Variants in AGAP1 observed in about 807,000 individuals in gnomAD.
AGAP1 encodes arf-GAP with GTPase, ANK repeat and PH domain-containing protein 1.
In AGAP1, 29 loss-of-function variants were observed where a neutral mutation model predicts 105.3. The observed-to-expected ratio is 0.28, with a 90% CI of 0.21 to 0.38. The LOEUF is 0.38. AGAP1 is among the 10% of genes least tolerant of loss of function. AGAP1 has a pLI of 1.00. For missense variants in AGAP1, 998 were observed against 1,165.1 expected (o/e 0.86, Z 2.09); for synonymous variants, 509 against 485.9 (o/e 1.05, Z -0.63).
chr2:235,677,479 T>C (rs1948803474), intron 1 of AGAP1, among the ~76,000 whole-genome samples: 1 of 152,154 alleles, frequency 6.6e-6, no homozygotes, highest in South Asian at 2.1e-4. Flanking sequence ...TCCTATACTG[T>C]CCTTTGTTTG....
chr2:235,579,442 A>AT, intron 1 of AGAP1, among the ~76,000 whole-genome samples: 1 of 152,274 alleles, frequency 6.6e-6, no homozygotes, highest in East Asian at 1.9e-4. Flanking sequence ...GTTAAAAAAT[A>AT]TTGAGGCAAA....
intron 1 of AGAP1, 130 bp downstream of exon 1, chr2:235,494,979 C>G: frequency 3.6e-6 from 3 of 841,294 alleles, no homozygotes; most frequent in Non-Finnish European, 4.9e-6. Flanking sequence ...CGAGGGAGCA[C>G]TGCGGCGCTG....
chr2:235,680,811 G>T (rs1043459711), intron 1 of AGAP1, among the ~76,000 whole-genome samples: 4 of 152,068 alleles, frequency 2.6e-5, no homozygotes, highest in African/African-American at 9.7e-5. Flanking sequence ...GTGGCTGCGG[G>T]CTCCCAGAGG....
chr2:235,903,711 C>G (rs2051167506), intron 10 of AGAP1, among the ~76,000 whole-genome samples: 1 of 152,146 alleles, frequency 6.6e-6, no homozygotes, highest in Non-Finnish European at 1.5e-5. Flanking sequence ...ATGTACACAC[C>G]TTTCCCTTTG....
intron 16 of AGAP1, among the ~76,000 whole-genome samples, chr2:236,116,367 TGAGAGAGAG>T (rs1553578893): frequency 2.3e-4 from 34 of 150,418 alleles, no homozygotes; most frequent in South Asian, 4.2e-4. Flanking sequence ...CTTTTTTTTT[TGAGAGAGAG>T]TTTTGCTCTG....
rs2054867249 is a variant in AGAP1, at chr2:235,976,549, A to C, written c.1645+7926A>C. ...TGGTTTTTGTTTGTTTGTTTGTTTT[A>C]ATTTTTTTAACCACACACAAACTTA... is the stretch of plus-strand genomic sequence containing the variant. On this transcript the variant is annotated intron_variant, in intron 13 of 17. Coordinates refer to ENST00000304032, the MANE Select transcript of AGAP1 (RefSeq NM_001037131.3). This position sits in a 1 kb window ranked among gnomAD's most constrained non-coding sequence, Gnocchi z 4.5. Among the ~76,000 whole-genome samples the C allele has an allele frequency of 6.6e-6, 1 of 152,254 alleles. No individual in the cohort carries two copies. Among genetic ancestry groups the C allele is most frequent in the South Asian group, 2.1e-4 (1 of 4,814 alleles).
chr2:235,897,055 TTTTTTTGTTTG>T (rs1240043060), intron 10 of AGAP1, among the ~76,000 whole-genome samples: 2 of 152,190 alleles, frequency 1.3e-5, no homozygotes, highest in African/African-American at 4.8e-5. Flanking sequence ...CTCTTATTTC[TTTTTTTGTTTG>T]TTTTTTGTTT....
At position 235,590,751 on chromosome 2, in the gene AGAP1, T is replaced by G. The variant is rs11900603; in HGVS notation, c.163+95902T>G. Among the ~76,000 whole-genome samples, 3 of 114,874 alleles carry G rather than the reference T, an allele frequency of 2.6e-5. No individual in the cohort carries two copies. In the East Asian group the frequency reaches 7.5e-4, roughly 29 times the overall value. 75.4% of individuals were successfully genotyped at this position (114,874 alleles called of 152,430 possible). On this transcript the variant is annotated intron_variant, in intron 1 of 17. Coordinates refer to ENST00000304032, the MANE Select transcript of AGAP1 (RefSeq NM_001037131.3). Reference sequence around the variant, plus strand: ...TTTTTTTTTTTTTGAGGCGGAGTCTTGCTCTGTCGCCCAGGCTGGAGTGCA... The same window carrying G: ...TTTTTTTTTTTTTGAGGCGGAGTCTGGCTCTGTCGCCCAGGCTGGAGTGCA...
At chr2:235,597,707 C>T (rs150389259) in intron 1 of AGAP1, among the ~76,000 whole-genome samples, 75 of 151,704 alleles carry the variant, frequency 4.9e-4, no homozygotes, top group African/African-American at 1.6e-3. Context: ...GGAGCGTGCA[C>T]GCGCTCCCGT....
rs1215208213 is a variant in AGAP1, at chr2:235,864,107, A to T, written c.1051-19238A>T. 6.6e-6 allele frequency among the ~76,000 whole-genome samples: 1 copy of T among 152,172 alleles called. No individual in the cohort carries two copies. The highest frequency in any genetic ancestry group is 2.4e-5 in the African/African-American group (1 of 41,438). The stretch of plus-strand genomic sequence containing the variant: ...TGCGCAAGCGGGCCGTTCCCACGTG[A>T]TTTAATAAACAGTTGCTGTAGCATG... On this transcript the variant is annotated intron_variant, in intron 9 of 17. Transcript: ENST00000304032. This position sits in a 1 kb window ranked among gnomAD's most constrained non-coding sequence, Gnocchi z 5.0.
At position 236,027,670 on chromosome 2, in the gene AGAP1, G is replaced by A. The variant is rs560282296; in HGVS notation, c.1646-8891G>A. ...CCTCTTGATTTGGGAGCTGATGCTG[G>A]ACCCCGCATTGACGAGACAGAGGGG... On this transcript the variant is annotated intron_variant, in intron 13 of 17. Coordinates refer to ENST00000304032, the MANE Select transcript of AGAP1 (RefSeq NM_001037131.3). This position sits in a 1 kb window ranked among gnomAD's most constrained non-coding sequence, Gnocchi z 4.4. Among the ~76,000 whole-genome samples, 1 of 150,666 alleles carries A rather than the reference G, an allele frequency of 6.6e-6. No individual in the cohort carries two copies. Among genetic ancestry groups the A allele is most frequent in the Non-Finnish European group, 1.5e-5 (1 of 68,016 alleles).
intron 1 of AGAP1, among the ~76,000 whole-genome samples, chr2:235,604,500 G>A (rs547853030): frequency 2.2e-4 from 29 of 133,228 alleles, no homozygotes; most frequent in Non-Finnish European, 3.9e-4. Flanking sequence ...AAAAAAAAAA[G>A]TGCTTGTTAC....
At chr2:235,898,051 C>A (rs1029989832) in intron 10 of AGAP1, among the ~76,000 whole-genome samples, 35 of 152,212 alleles carry the variant, frequency 2.3e-4, no homozygotes, top group African/African-American at 8.2e-4. Context: ...ACCTCTGCCG[C>A]ATCGGCTATT....
rs1949647318 is a variant in AGAP1, at chr2:235,689,690, T to C, written c.164-19489T>C. 6.6e-6 allele frequency among the ~76,000 whole-genome samples: 1 copy of C among 152,204 alleles called. No individual in the cohort carries two copies. Among genetic ancestry groups the C allele is most frequent in the African/African-American group, 2.4e-5 (1 of 41,458 alleles). On this transcript the variant is annotated intron_variant, in intron 1 of 17. Coordinates refer to ENST00000304032, the MANE Select transcript of AGAP1 (RefSeq NM_001037131.3). The surrounding 1 kb of genome is among the most constrained non-coding windows in gnomAD (Gnocchi z 4.2). ...AATGAAGTATCTGCAACATTTCCACTCATTTGAGAGTTCCACTTTTCAGGA... is the reference window on the plus strand; with the variant it reads ...AATGAAGTATCTGCAACATTTCCACCCATTTGAGAGTTCCACTTTTCAGGA...
chr2:235,827,917 C>T (rs1959160901), intron 9 of AGAP1, among the ~76,000 whole-genome samples: 1 of 152,234 alleles, frequency 6.6e-6, no homozygotes, highest in Non-Finnish European at 1.5e-5. Flanking sequence ...GCGAGGGAGG[C>T]TGCACTGGCT....
intron 13 of AGAP1, among the ~76,000 whole-genome samples, chr2:235,997,095 T>TTTG (rs774567944): frequency 5.9e-5 from 9 of 152,194 alleles, no homozygotes; most frequent in East Asian, 3.8e-4. Context: ...GAAGATCTTT[T>TTTG]TTGTTGTTGT....
chr2:235,775,245 C>T (rs952349117), intron 6 of AGAP1, among the ~76,000 whole-genome samples: 1 of 152,166 alleles, frequency 6.6e-6, no homozygotes, highest in African/African-American at 2.4e-5. Context: ...CTCTTTGGCA[C>T]AGGATTTTGT....
intron 16 of AGAP1, among the ~76,000 whole-genome samples, chr2:236,118,721 G>T (rs951423696): frequency 2.0e-5 from 3 of 152,076 alleles, no homozygotes; most frequent in African/African-American, 7.2e-5. Context: ...AAAAAGGCAG[G>T]CAGGGAGCAC....
Position 235,933,594 on chromosome 2 carries a change from G to A in AGAP1, c.1483+2671G>A, listed in dbSNP as rs552787166. 2.2e-3 allele frequency among the ~76,000 whole-genome samples: 337 copies of A among 150,406 alleles called. 1 individual carries two copies. The highest frequency in any genetic ancestry group is 5.3e-3 in the African/African-American group (215 of 40,852). On this transcript the variant is annotated intron_variant, in intron 12 of 17. Coordinates refer to ENST00000304032, the MANE Select transcript of AGAP1 (RefSeq NM_001037131.3). The stretch of plus-strand genomic sequence containing the variant: ...TATTGGCAGGCTGGAGTGCAGTGGC[G>A]CGACCCCGGCTCACTGCAACCTCCG...
Sources: gnomAD v4.1 joint callset for allele counts (sites outside exome capture counted in the v4.1 genomes callset) on GRCh38, gnomAD v4.1.1 for gene constraint, Gnocchi (gnomAD v3.1) non-coding constraint, MANE v1.5 for transcripts, NCBI Gene and HGNC (gene_info 2026-07-23, HGNC 2026-07-21) for gene names.